HDAC9: variants seen among roughly 807,000 people sequenced by gnomAD.
HDAC9 encodes histone deacetylase 9.
Under a neutral mutation model 139.4 loss-of-function variants are expected in HDAC9, and 41 were observed. The observed-to-expected ratio is 0.29, with a 90% CI of 0.23 to 0.38. HDAC9 has a LOEUF of 0.38. Among genes scored for constraint, HDAC9 ranks in the 10% least tolerant of loss-of-function variants. HDAC9 has a pLI of 1.00. For synonymous variants in HDAC9, 517 were observed against 476.2 expected (o/e 1.09, Z -1.12); for missense variants, 1,147 against 1,297.0 (o/e 0.88, Z 1.78).
At chr7:18,307,494 T>A (rs1226980997) in intron 1 of HDAC9, among the ~76,000 whole-genome samples, 1 of 152,168 alleles carries the variant, frequency 6.6e-6, no homozygotes, top group African/African-American at 2.4e-5. Context: ...CTAAAACTAG[T>A]TTCTAACATT....
chr7:18,551,959 A>C (rs1176205227), intron 2 of HDAC9, among the ~76,000 whole-genome samples: 1 of 152,156 alleles, frequency 6.6e-6, no homozygotes, highest in Non-Finnish European at 1.5e-5. Flanking sequence ...CTTTATTATG[A>C]TCACATTTGT....
chr7:18,676,984 T>G (rs1195653842), intron 12 of HDAC9, among the ~76,000 whole-genome samples: 1 of 151,922 alleles, frequency 6.6e-6, no homozygotes, highest in East Asian at 1.9e-4. Context: ...TTAGTCTACT[T>G]TTTGAACTAT....
chr7:18,148,793 C>T (rs1344553073), intron 1 of HDAC9, among the ~76,000 whole-genome samples: 4 of 152,078 alleles, frequency 2.6e-5, no homozygotes, highest in Admixed American at 1.3e-4. Context: ...CTTGTGAATG[C>T]GTTGGGCCAT....
At chr7:18,849,913 A>G (rs777802365) in intron 21 of HDAC9, among the ~76,000 whole-genome samples, 9 of 152,266 alleles carry the variant, frequency 5.9e-5, no homozygotes, top group Non-Finnish European at 1.0e-4. Flanking sequence ...GTAGATGTAC[A>G]GATGTCCTGA....
chr7:18,219,655 C>T (rs1231442900), intron 2 of HDAC9, among the ~76,000 whole-genome samples: 4 of 152,038 alleles, frequency 2.6e-5, no homozygotes, highest in Non-Finnish European at 2.9e-5. Flanking sequence ...GTTATTACTT[C>T]GAAAGTTTCC....
At chr7:18,673,188 G>A (rs909253001) in intron 12 of HDAC9, among the ~76,000 whole-genome samples, 2 of 152,042 alleles carry the variant, frequency 1.3e-5, no homozygotes, top group Non-Finnish European at 2.9e-5. Context: ...GTTAGGGCAG[G>A]AGGATTGTTG....
At position 18,168,926 on chromosome 7, in the gene HDAC9, T is replaced by TGTGC. The variant is rs1407586998; in HGVS notation, c.25+6578_25+6579insTGCG. Reference sequence around the variant, plus strand: ...GTGTGTGTGTGTGTGTGTGTGTGTGTGCGCGCATGTGTCTCTGTGTGTGTG... The same window carrying TGTGC: ...GTGTGTGTGTGTGTGTGTGTGTGTGTGTGCGCGCGCATGTGTCTCTGTGTGTGTG... On this transcript the variant is annotated intron_variant, in intron 2 of 12. Transcript: ENST00000417496. 8.8e-4 allele frequency among the ~76,000 whole-genome samples: 115 copies of TGTGC among 130,014 alleles called. 1 individual carries two copies. The highest frequency in any genetic ancestry group is 2.0e-3 in the African/African-American group (69 of 34,030). 85.3% of individuals were successfully genotyped at this position (130,014 alleles called of 152,430 possible).
At chr7:18,332,392 T>TGTGAGA (rs1491466092) in intron 1 of HDAC9, among the ~76,000 whole-genome samples, 4 of 90,484 alleles carry the variant, frequency 4.4e-5, no homozygotes, top group African/African-American at 1.6e-4. Context: ...TGTGTGTGTG[T>TGTGAGA]GAGAGAGAGA....
chr7:18,788,421 A>G (rs1792004176), intron 16 of HDAC9, among the ~76,000 whole-genome samples: 1 of 152,080 alleles, frequency 6.6e-6, no homozygotes, highest in Non-Finnish European at 1.5e-5. Context: ...AGACTTTATT[A>G]TATGGTGGCC....
intron 2 of HDAC9, among the ~76,000 whole-genome samples, chr7:18,221,259 C>G (rs887535717): frequency 1.3e-5 from 2 of 152,066 alleles, no homozygotes; most frequent in Non-Finnish European, 2.9e-5. Flanking sequence ...GGGCCCGCCG[C>G]CATGCCTGGC....
At chr7:18,417,942 C>T (rs1219298764) in intron 1 of HDAC9, among the ~76,000 whole-genome samples, 6 of 152,148 alleles carry the variant, frequency 3.9e-5, no homozygotes, top group Admixed American at 2.0e-4. Context: ...GCTTTATTGT[C>T]CCTGAAATCT....
chr7:18,349,307 TACACACAC>T (rs3138825), intron 1 of HDAC9, among the ~76,000 whole-genome samples: 17,808 of 125,518 alleles, frequency 0.14, 1,243 homozygotes, highest in Admixed American at 0.18. Context: ...TGAGAACATC[TACACACAC>T]ACACACACAC....
In HDAC9 at chr7:18,310,612, T is replaced by C. The variant is rs1464862227; in HGVS notation, c.-42+20097T>C. Among the ~76,000 whole-genome samples the C allele has an allele frequency of 2.0e-5, 3 of 152,174 alleles. No individual in the cohort carries two copies. The South Asian group carries it at 6.2e-4, about 31-fold the overall frequency. The stretch of plus-strand genomic sequence containing the variant: ...TACTCGCACTGTGCACAAGTTAACA[T>C]TTAGAGTTGGGAATATCCCAACAAT... On this transcript the variant is annotated intron_variant, in intron 1 of 3. Coordinates refer to the HDAC9 transcript ENST00000413509.
intron 2 of HDAC9, among the ~76,000 whole-genome samples, chr7:18,523,849 C>T (rs1014811991): frequency 1.3e-4 from 20 of 152,192 alleles, no homozygotes; most frequent in African/African-American, 4.8e-4. Flanking sequence ...TGAGGAATTA[C>T]ACAAGAGACA....
At chr7:18,352,222 G>T (rs1184172909) in intron 1 of HDAC9, among the ~76,000 whole-genome samples, 1 of 152,118 alleles carries the variant, frequency 6.6e-6, no homozygotes, top group Non-Finnish European at 1.5e-5. Context: ...TCTGAAAAAT[G>T]TACATGAATA....
intron 12 of HDAC9, among the ~76,000 whole-genome samples, chr7:18,693,794 C>A (rs1782840477): frequency 4.6e-5 from 7 of 152,168 alleles, no homozygotes. Flanking sequence ...TCATTTGAAG[C>A]TTGTCATCTG....
At chr7:18,769,533 T>C (rs1339165679) in intron 16 of HDAC9, among the ~76,000 whole-genome samples, 4 of 145,034 alleles carry the variant, frequency 2.8e-5, no homozygotes, top group Non-Finnish European at 6.2e-5. Context: ...GTGATGCTTA[T>C]GTAGGTCAGG....
At chr7:18,795,903 G>A (rs140730828) in intron 17 of HDAC9, among the ~76,000 whole-genome samples, 41 of 152,272 alleles carry the variant, frequency 2.7e-4, no homozygotes, top group Admixed American at 7.2e-4. Context: ...TTGTGGATTC[G>A]ATTCATTCAG....
At chr7:18,321,925 C>T (rs956538732) in intron 1 of HDAC9, among the ~76,000 whole-genome samples, 4 of 152,036 alleles carry the variant, frequency 2.6e-5, no homozygotes, top group Admixed American at 2.0e-4. Context: ...ATTATGTATT[C>T]GCCTCATTTT....
Sources: allele counts gnomAD v4.1 joint callset (sites outside exome capture counted in the v4.1 genomes callset), GRCh38; gene constraint gnomAD v4.1.1; transcripts MANE v1.5; gene names NCBI Gene and HGNC (gene_info 2026-07-23, HGNC 2026-07-21).